The following SEMA3B variants were observed in gnomAD, a reference collection of about 807,000 sequenced individuals.
The protein encoded by SEMA3B is semaphorin-3B.
Under a neutral mutation model 77.8 loss-of-function variants are expected in SEMA3B, and 71 were observed. That is an observed-to-expected ratio of 0.91 (90% CI 0.75 to 1.11). The LOEUF is 1.11. Ranked by LOEUF, SEMA3B falls within the 50% of genes most tolerant of loss-of-function variation. The pLI is 0.00. For missense variants in SEMA3B, 968 were observed against 1,056.8 expected (o/e 0.92, Z 1.17); for synonymous variants, 470 against 452.9 (o/e 1.04, Z -0.48).
At position 50,269,814 on chromosome 3, in the gene SEMA3B, C is replaced by T. The variant is rs1553705045; in HGVS notation, c.110-313C>T. On this transcript the variant is annotated intron_variant, in intron 1 of 16. Transcript: ENST00000616701. The surrounding 1 kb of genome is among the most constrained non-coding windows in gnomAD (Gnocchi z 4.0). Reference sequence around the variant, plus strand: ...TGGGGTTCTGGCCATCCCTGCATGCCAGTCTCCCCCAGGACTCTGGTGTCC... The same window carrying T: ...TGGGGTTCTGGCCATCCCTGCATGCTAGTCTCCCCCAGGACTCTGGTGTCC... Among the ~76,000 whole-genome samples the T allele has an allele frequency of 6.6e-6, 1 of 152,122 alleles. No individual in the cohort carries two copies. The highest frequency in any genetic ancestry group is 2.4e-5 in the African/African-American group (1 of 41,416).
Position 50,276,384 on chromosome 3 carries a change from T to C in SEMA3B, c.1928T>C (p.Leu643Ser). Residue 643 changes from leucine to serine, a missense_variant, in exon 17 of 17, where the codon TTG becomes TCG. By Grantham distance (145) the Leu-to-Ser change is moderately radical. Coordinates refer to ENST00000616701, the MANE Select transcript of SEMA3B (RefSeq NM_001290060.2). This position sits in a 1 kb window ranked among gnomAD's most constrained non-coding sequence, Gnocchi z 5.8. The part of the protein sequence containing the change: ...RLRRRDSGVY[L>S]CAAVEQGFTQ... ...CGGCGCCGGGACTCGGGCGTGTACT[T>C]GTGCGCCGCCGTCGAGCAGGGCTTT... 6.5e-7 allele frequency: 1 copy of C among 1,536,278 alleles called. No homozygotes were observed. Among genetic ancestry groups the C allele is most frequent in the Non-Finnish European group, 8.7e-7 (1 of 1,145,754 alleles).
Position 50,271,452 on chromosome 3 carries a change from A to G in SEMA3B, c.636A>G (p.Thr212=). ...RSLGQRPSLR[T]EPHDSRWLNE... ...TAGGGCAACGTCCAAGTCTCCGAAC[A>G]GAGCCACACGACTCCCGCTGGCTCA... The change falls in exon 6 of 17, where the codon ACA becomes ACG. Residue 212 remains threonine, a synonymous_variant. Transcript: ENST00000616701. The G allele has an allele frequency of 1.3e-6, 2 of 1,575,870 alleles. No individual in the cohort carries two copies. Among genetic ancestry groups the G allele is most frequent in the Non-Finnish European group, 1.7e-6 (2 of 1,160,814 alleles).
At chr3:50,268,927 T>C, upstream of SEMA3B, 1 of 447,548 alleles carries the variant, frequency 2.2e-6, no homozygotes, top group Middle Eastern at 6.1e-4. Context: ...AGAGAGGAGA[T>C]TACTGGGAAG....
chr3:50,271,310 C>G (rs1701041649), intron 5 of SEMA3B, 51 bp from the exon 6 acceptor site: 2 of 1,551,910 alleles, frequency 1.3e-6, no homozygotes, highest in Non-Finnish European at 1.7e-6. Context: ...CCCAGGCCCT[C>G]CTGCCCCAAG....
chr3:50,275,978 A>G lies in SEMA3B; in HGVS notation c.1845+134A>G. On this transcript the variant is annotated intron_variant, in intron 16 of 16. Transcript: ENST00000616701. This position sits in a 1 kb window ranked among gnomAD's most constrained non-coding sequence, Gnocchi z 7.5. ...CTGTCCAGTTTGGTCCCTCACCTGC[A>G]CTCCACAAGCTGCTGAGGCCCCATT... is the stretch of plus-strand genomic sequence containing the variant. 3 of 1,207,360 alleles carry G rather than the reference A, an allele frequency of 2.5e-6. No homozygotes were observed. The highest frequency in any genetic ancestry group is 2.2e-6 in the Non-Finnish European group (2 of 898,078). 74.8% of individuals were successfully genotyped at this position (1,207,360 alleles called of 1,614,324 possible).
upstream of SEMA3B, chr3:50,269,123 C>A: frequency 1.4e-6 from 1 of 729,568 alleles, no homozygotes; most frequent in South Asian, 1.6e-5. The surrounding 1 kb of genome is among the most constrained non-coding windows in gnomAD (Gnocchi z 4.0). Context: ...CCCCCCCTAG[C>A]CTCCCGCCCT....
rs1423609993 is a variant in SEMA3B at position 50,276,891 on chromosome 3, G to T, written c.*185G>T. 4 of 667,252 alleles carry T rather than the reference G, an allele frequency of 6.0e-6. No individual in the cohort carries two copies. The highest frequency in any genetic ancestry group is 3.8e-5 in the African/African-American group (2 of 52,034). 41.3% of individuals were successfully genotyped at this position (667,252 alleles called of 1,614,324 possible). A position where few individuals can be genotyped will look rare whatever the true frequency, so the allele number is the denominator to read the frequency against. On this transcript the variant is annotated 3_prime_UTR_variant, in exon 17 of 17. Coordinates refer to ENST00000616701, the MANE Select transcript of SEMA3B (RefSeq NM_001290060.2). The surrounding 1 kb of genome is among the most constrained non-coding windows in gnomAD (Gnocchi z 5.8). The stretch of plus-strand genomic sequence containing the variant: ...CTTATTTATTAACAGGATAACCCTT[G>T]AATGTAGCAGCCCCGGGAGGGCGGC...
In SEMA3B at chr3:50,271,465, T is replaced by A; in HGVS notation, c.649T>A (p.Ser217Thr). The change falls in exon 6 of 17, where the codon TCC becomes ACC. Residue 217 changes from serine (S) to threonine (T), a missense_variant. Transcript: ENST00000616701. ...RPSLRTEPHDSRWLNEPKFVK... is the reference protein window; with the variant it reads ...RPSLRTEPHDTRWLNEPKFVK... ...AAGTCTCCGAACAGAGCCACACGAC[T>A]CCCGCTGGCTCAATGGTGAGAGGCT... 6.4e-7 allele frequency: 1 copy of A among 1,566,464 alleles called. No homozygotes were observed. Among genetic ancestry groups the A allele is most frequent in the East Asian group, 2.4e-5 (1 of 41,986 alleles).
In SEMA3B at chr3:50,270,678, A is replaced by T. The variant is rs997666200; in HGVS notation, c.330+183A>T. 2 of 1,146,102 alleles carry T rather than the reference A, an allele frequency of 1.7e-6. No homozygotes were observed. The highest frequency in any genetic ancestry group is 2.4e-6 in the Non-Finnish European group (2 of 821,684). The allele number at this position is 1,146,102 out of a possible 1,614,324, so 71.0% of individuals were successfully genotyped here. A position where few individuals can be genotyped will look rare whatever the true frequency, so the allele number is the denominator to read the frequency against. ...GTGTAATTCTTCTGGGGTGCCTCTGAGTCATGGGAGGCTTTGCAGGCCTGT... is the reference window on the plus strand; with the variant it reads ...GTGTAATTCTTCTGGGGTGCCTCTGTGTCATGGGAGGCTTTGCAGGCCTGT... On this transcript the variant is annotated intron_variant, in intron 3 of 16. Coordinates refer to ENST00000616701, the MANE Select transcript of SEMA3B (RefSeq NM_001290060.2). This position sits in a 1 kb window ranked among gnomAD's most constrained non-coding sequence, Gnocchi z 4.7.
At position 50,274,016 on chromosome 3, in the gene SEMA3B, G is replaced by C; in HGVS notation, c.1096G>C (p.Val366Leu). The change falls in exon 10 of 17, where the codon GTG (valine) becomes CTG (leucine). Residue 366 changes from valine (V) to leucine (L), a missense_variant. Physicochemically the swap from Val to Leu is conservative, Grantham distance 32. Transcript: ENST00000616701. This position sits in a 1 kb window ranked among gnomAD's most constrained non-coding sequence, Gnocchi z 4.7. ...CAAGGAGGGGCCCATGCACCAGTGGGTGTCATACCAGGGTCGCGTCCCCTA... is the reference window on the plus strand; with the variant it reads ...CAAGGAGGGGCCCATGCACCAGTGGCTGTCATACCAGGGTCGCGTCCCCTA... ...AHKEGPMHQW[V>L]SYQGRVPYPR... 1 of 1,613,598 alleles carries C rather than the reference G, an allele frequency of 6.2e-7. No homozygotes were observed. The highest frequency in any genetic ancestry group is 1.1e-5 in the South Asian group (1 of 91,052).
Position 50,275,831 on chromosome 3 carries a change from C to G in SEMA3B, c.1832C>G (p.Thr611Arg). The G allele has an allele frequency of 6.2e-7, 1 of 1,603,850 alleles. No homozygotes were observed. Among genetic ancestry groups the G allele is most frequent in the Non-Finnish European group, 8.5e-7 (1 of 1,177,318 alleles). The change falls in exon 16 of 17, where the codon ACA (threonine) becomes AGA (arginine). Residue 611 changes from threonine to arginine, a missense_variant. By Grantham distance (71) the Thr-to-Arg change is moderately conservative. Coordinates refer to ENST00000616701, the MANE Select transcript of SEMA3B (RefSeq NM_001290060.2). This position sits in a 1 kb window ranked among gnomAD's most constrained non-coding sequence, Gnocchi z 7.5. ...TGGACTTTCCAGCGCGCAGGGGTGACAGCCCACACCCAGGTGAGCCTTACT... is the reference window on the plus strand; with the variant it reads ...TGGACTTTCCAGCGCGCAGGGGTGAGAGCCCACACCCAGGTGAGCCTTACT... ...VEWTFQRAGV[T>R]AHTQVLAEER...
In SEMA3B at chr3:50,273,454, C is replaced by T. The variant is rs369715522; in HGVS notation, c.810+11C>T. On this transcript the variant is annotated intron_variant, in intron 7 of 16. Coordinates refer to ENST00000616701, the MANE Select transcript of SEMA3B (RefSeq NM_001290060.2). The surrounding 1 kb of genome is among the most constrained non-coding windows in gnomAD (Gnocchi z 6.5). ...GGCCAGATCTGCCGGGTGAGGAGTC[C>T]CTGGGCCACACCCGGCGACCCTGCC... is the stretch of plus-strand genomic sequence containing the variant. 1.2e-5 allele frequency: 19 copies of T among 1,612,234 alleles called. No individual in the cohort carries two copies. The highest frequency in any genetic ancestry group is 9.3e-5 in the African/African-American group (7 of 74,904).
chr3:50,276,266 C>A lies in SEMA3B; in HGVS notation c.1846-36C>A, dbSNP rs1553706663. The stretch of plus-strand genomic sequence containing the variant: ...AGGGCCCGGAAGCCCTGTTCCCGGC[C>A]CGACACCCCCGCCTCACGCTGCCCT... On this transcript the variant is annotated intron_variant, in intron 16 of 16. Transcript: ENST00000616701. The surrounding 1 kb of genome is among the most constrained non-coding windows in gnomAD (Gnocchi z 5.8). The A allele has an allele frequency of 6.9e-7, 1 of 1,445,472 alleles. No individual in the cohort carries two copies. The highest frequency in any genetic ancestry group is 9.1e-7 in the Non-Finnish European group (1 of 1,103,664). 89.5% of individuals were successfully genotyped at this position (1,445,472 alleles called of 1,614,324 possible). A position where few individuals can be genotyped will look rare whatever the true frequency, so the allele number is the denominator to read the frequency against.
chr3:50,276,275 C>T lies in SEMA3B; in HGVS notation c.1846-27C>T. 6.2e-6 allele frequency: 9 copies of T among 1,455,576 alleles called. No individual in the cohort carries two copies. Among genetic ancestry groups the T allele is most frequent in the African/African-American group, 1.4e-5 (1 of 69,298 alleles). The allele number at this position is 1,455,576 out of a possible 1,614,324, so 90.2% of individuals were successfully genotyped here. On this transcript the variant is annotated intron_variant, in intron 16 of 16. Coordinates refer to ENST00000616701, the MANE Select transcript of SEMA3B (RefSeq NM_001290060.2). The surrounding 1 kb of genome is among the most constrained non-coding windows in gnomAD (Gnocchi z 5.8). ...AAGCCCTGTTCCCGGCCCGACACCC[C>T]CGCCTCACGCTGCCCTCTGCCCGCA...
Position 50,276,795 on chromosome 3 carries a change from C to T in SEMA3B, c.*89C>T, listed in dbSNP as rs1415252419. 14 of 1,378,976 alleles carry T rather than the reference C, an allele frequency of 1.0e-5. No homozygotes were observed. Among genetic ancestry groups the T allele is most frequent in the South Asian group, 1.6e-5 (1 of 62,694 alleles). The allele number at this position is 1,378,976 out of a possible 1,614,324, so 85.4% of individuals were successfully genotyped here. ...CCTGAAAAGAAGGACGGGTTGGGGC[C>T]GGGCACATTGGGGGTCACCGGCCGA... On this transcript the variant is annotated 3_prime_UTR_variant, in exon 17 of 17. Coordinates refer to ENST00000616701, the MANE Select transcript of SEMA3B (RefSeq NM_001290060.2). The surrounding 1 kb of genome is among the most constrained non-coding windows in gnomAD (Gnocchi z 5.8).
the SEMA3B span, chr3:50,262,242 C>G: frequency 6.6e-6 from 1 of 152,164 alleles, no homozygotes; most frequent in Non-Finnish European, 1.5e-5. Flanking sequence ...TTGCAGTGAG[C>G]CAAGATTGTG....
In SEMA3B at chr3:50,276,576, T is replaced by C. The variant is rs1235735330; in HGVS notation, c.2120T>C (p.Leu707Pro). 5 of 1,551,740 alleles carry C rather than the reference T, an allele frequency of 3.2e-6. No homozygotes were observed. Among genetic ancestry groups the C allele is most frequent in the Non-Finnish European group, 4.3e-6 (5 of 1,154,236 alleles). The change falls in exon 17 of 17, where the codon CTG (leucine) becomes CCG (proline). Residue 707 changes from leucine (L) to proline (P), a missense_variant. Leu to Pro is a moderately conservative substitution (Grantham distance 98). Transcript: ENST00000616701. The surrounding 1 kb of genome is among the most constrained non-coding windows in gnomAD (Gnocchi z 5.8). ...EPGGGGSANS[L>P]RMCRPQPALQ... ...GGCGGAGGTGGCAGCGCGAACTCCC[T>C]GCGCATGTGCCGCCCGCAGCCTGCG...
At position 50,270,635 on chromosome 3, in the gene SEMA3B, G is replaced by T; in HGVS notation, c.330+140G>T. On this transcript the variant is annotated intron_variant, in intron 3 of 16. Coordinates refer to ENST00000616701, the MANE Select transcript of SEMA3B (RefSeq NM_001290060.2). This position sits in a 1 kb window ranked among gnomAD's most constrained non-coding sequence, Gnocchi z 4.7. The stretch of plus-strand genomic sequence containing the variant: ...GAGGTGGCTGAGGTCTGGGGGTGGT[G>T]AGTCAGGGTGGGGGCTCGTGTAATT... 1 of 1,242,354 alleles carries T rather than the reference G, an allele frequency of 8.0e-7. No homozygotes were observed. The highest frequency in any genetic ancestry group is 2.5e-5 in the East Asian group (1 of 40,154). The allele number at this position is 1,242,354 out of a possible 1,614,324, so 77.0% of individuals were successfully genotyped here.
At position 50,270,635 on chromosome 3, in the gene SEMA3B, G is replaced by A. The variant is rs1420202527; in HGVS notation, c.330+140G>A. On this transcript the variant is annotated intron_variant, in intron 3 of 16. Coordinates refer to ENST00000616701, the MANE Select transcript of SEMA3B (RefSeq NM_001290060.2). The surrounding 1 kb of genome is among the most constrained non-coding windows in gnomAD (Gnocchi z 4.7). ...GAGGTGGCTGAGGTCTGGGGGTGGT[G>A]AGTCAGGGTGGGGGCTCGTGTAATT... 5.6e-6 allele frequency: 7 copies of A among 1,242,232 alleles called. No homozygotes were observed. In the African/African-American group the frequency reaches 6.0e-5, roughly 11 times the overall value. 77.0% of individuals were successfully genotyped at this position (1,242,232 alleles called of 1,614,324 possible). A position where few individuals can be genotyped will look rare whatever the true frequency, so the allele number is the denominator to read the frequency against.
Sources: gnomAD v4.1 joint callset for allele counts (sites outside exome capture counted in the v4.1 genomes callset) on GRCh38, gnomAD v4.1.1 for gene constraint, Gnocchi (gnomAD v3.1) non-coding constraint, MANE v1.5 for transcripts, NCBI Gene and HGNC (gene_info 2026-07-23, HGNC 2026-07-21) for gene names.